Variants in CARS2 observed in about 807,000 individuals in gnomAD.
The protein encoded by CARS2 is probable cysteine--tRNA ligase, mitochondrial.
Under a neutral mutation model 68.8 loss-of-function variants are expected in CARS2, and 52 were observed. That is an observed-to-expected ratio of 0.76 (90% CI 0.61 to 0.95). The LOEUF is 0.95. Ranked by LOEUF, CARS2 falls within the 40% of genes least tolerant of loss-of-function variation. The pLI, the probability that CARS2 is intolerant of heterozygous loss-of-function variation, is 0.00. For synonymous variants in CARS2, 314 were observed against 303.6 expected (o/e 1.03, Z -0.36); for missense variants, 780 against 754.2 (o/e 1.03, Z -0.40).
At chr13:110,696,469 G>A (rs1211042961) in intron 3 of CARS2, among the ~76,000 whole-genome samples, 1 of 152,116 alleles carries the variant, frequency 6.6e-6, no homozygotes, top group Non-Finnish European at 1.5e-5. Context: ...CATTCTAACT[G>A]GCATGAGATG....
chr13:110,684,576 T>C (rs937389711), intron 5 of CARS2, among the ~76,000 whole-genome samples: 3 of 147,686 alleles, frequency 2.0e-5, no homozygotes, highest in African/African-American at 7.5e-5. Flanking sequence ...TGGCCTTTCC[T>C]CCCACCAGTG....
At chr13:110,667,223 T>C in intron 8 of CARS2, 117 bp downstream of exon 8, 1 of 943,232 alleles carries the variant, frequency 1.1e-6, no homozygotes, top group South Asian at 2.0e-5. Flanking sequence ...AAGAGGCAAA[T>C]CCATTTCTTG....
chr13:110,692,484 TAATA>T (rs1056408970), intron 3 of CARS2, among the ~76,000 whole-genome samples: 3 of 151,100 alleles, frequency 2.0e-5, no homozygotes, highest in African/African-American at 7.3e-5. Context: ...AAAAAAAAAT[TAATA>T]AATAAAAGTT....
Position 110,677,037 on chromosome 13 carries a change from A to G in CARS2, c.722T>C (p.Phe241Ser), listed in dbSNP as rs2062971902. The G allele has an allele frequency of 6.2e-7, 1 of 1,610,322 alleles. No individual in the cohort carries two copies. The highest frequency in any genetic ancestry group is 1.3e-5 in the African/African-American group (1 of 74,844). ...LWKAAKPQEV[F>S]WASPWGPGRP... ...CCCGGGTCCCCAGGGAGAGGCCCAG[A>G]ACACCTCCTGGGGTTTGGCCGCCTT... Residue 241 changes from phenylalanine (F) to serine (S), a missense_variant, in exon 7 of 15, where the codon TTC (phenylalanine) becomes TCC (serine). Transcript: ENST00000257347.
chr13:110,647,020 T>C, intron 11 of CARS2, 81 bp downstream of exon 11: 2 of 1,453,476 alleles, frequency 1.4e-6, no homozygotes, highest in East Asian at 2.5e-5. Context: ...TGGGGGCCCC[T>C]CTTCCCCTTC....
chr13:110,665,201 C>T lies in CARS2; in HGVS notation c.920-1683G>A. 6 of 971,984 alleles carry T rather than the reference C, an allele frequency of 6.2e-6. No individual in the cohort carries two copies. The highest frequency in any genetic ancestry group is 7.3e-6 in the Non-Finnish European group (6 of 817,632). The allele number at this position is 971,984 out of a possible 1,614,324, so 60.2% of individuals were successfully genotyped here. ...GTGGCTCACGCCTATAATCCCAGCA[C>T]TTTGGGAGGCAGAGGTGGCAGATCA... is the stretch of plus-strand genomic sequence containing the variant. On this transcript the variant is annotated intron_variant, in intron 8 of 14. Coordinates refer to ENST00000257347, the MANE Select transcript of CARS2 (RefSeq NM_024537.4). The surrounding 1 kb of genome is among the most constrained non-coding windows in gnomAD (Gnocchi z 4.3).
intron 6 of CARS2, among the ~76,000 whole-genome samples, chr13:110,680,128 C>T (rs1296834334): frequency 7.5e-6 from 1 of 133,568 alleles, no homozygotes; most frequent in Admixed American, 8.1e-5. Flanking sequence ...ACCGATAACC[C>T]CAGTACTTTG....
At position 110,668,722 on chromosome 13, in the gene CARS2, G is replaced by A. The variant is rs553933134; in HGVS notation, c.786-1249C>T. Among the ~76,000 whole-genome samples the A allele has an allele frequency of 2.0e-4, 31 of 152,132 alleles. No homozygotes were observed. The highest frequency in any genetic ancestry group is 6.2e-4 in the South Asian group (3 of 4,826). On this transcript the variant is annotated intron_variant, in intron 7 of 14. Coordinates refer to ENST00000257347, the MANE Select transcript of CARS2 (RefSeq NM_024537.4). This position sits in a 1 kb window ranked among gnomAD's most constrained non-coding sequence, Gnocchi z 4.1. ...TCCGAAGATCTGAAGCCAACACAACGACGTGAAAGTTTCACAAGCTGAACT... is the reference window on the plus strand; with the variant it reads ...TCCGAAGATCTGAAGCCAACACAACAACGTGAAAGTTTCACAAGCTGAACT...
At chr13:110,706,229 A>C, upstream of CARS2, 1 of 550,770 alleles carries the variant, frequency 1.8e-6, no homozygotes, top group East Asian at 4.4e-5. Context: ...AGCAGTCCTC[A>C]GGTAGCGCCT....
intron 1 of CARS2, chr13:110,712,847 C>G (rs1326730924): frequency 9.0e-7 from 1 of 1,112,576 alleles, no homozygotes; most frequent in African/African-American, 1.5e-5. Flanking sequence ...CAGCTTCCCT[C>G]TCAGGCCCCT....
intron 13 of CARS2, chr13:110,643,018 T>C: frequency 2.9e-6 from 1 of 346,372 alleles, no homozygotes; most frequent in Non-Finnish European, 5.7e-6. Flanking sequence ...CCTGGGGCGG[T>C]GTGGAAGGGG....
rs757166124 is a variant in CARS2, at chr13:110,663,553, G to C, written c.920-35C>G. ...AAACAAAAGCATTCAGTCTGAGCTG[G>C]GTGAGGAGACTCTCTGGCCTCAGGG... On this transcript the variant is annotated intron_variant, in intron 8 of 14. Coordinates refer to ENST00000257347, the MANE Select transcript of CARS2 (RefSeq NM_024537.4). 27 of 1,607,862 alleles carry C rather than the reference G, an allele frequency of 1.7e-5. No homozygotes were observed. The East Asian group carries it at 6.0e-4, about 36-fold the overall frequency.
intron 14 of CARS2, 41 bp from the exon 15 acceptor site, chr13:110,641,649 C>CCT: frequency 6.7e-7 from 1 of 1,491,250 alleles, no homozygotes; most frequent in Non-Finnish European, 9.4e-7. Context: ...GCAGACACCA[C>CCT]GTCATGTGGC....
At chr13:110,677,631 AC>A in intron 6 of CARS2, among the ~76,000 whole-genome samples, 1 of 13,418 alleles carries the variant, frequency 7.5e-5, no homozygotes, top group African/African-American at 2.0e-4. Flanking sequence ...TCACCCCACC[AC>A]AGAAACTCAG....
chr13:110,712,559 G>A (rs2064042371), intron 1 of CARS2: 4 of 288,992 alleles, frequency 1.4e-5, no homozygotes, highest in Non-Finnish European at 1.4e-5. Flanking sequence ...GGGGCCGGTC[G>A]CCTAGGCAAC....
intron 8 of CARS2, chr13:110,666,563 T>C: frequency 1.0e-6 from 1 of 985,392 alleles, no homozygotes; most frequent in Non-Finnish European, 1.2e-6. Flanking sequence ...TCATGTACTT[T>C]CACGAAGAAA....
chr13:110,671,737 G>A (rs1406223488), intron 7 of CARS2, among the ~76,000 whole-genome samples: 1 of 152,148 alleles, frequency 6.6e-6, no homozygotes, highest in African/African-American at 2.4e-5. Context: ...ATGTAAATGG[G>A]CTAAATGCTC....
chr13:110,651,006 G>T (rs189897575), intron 10 of CARS2, 28 bp downstream of exon 10: 28 of 1,557,210 alleles, frequency 1.8e-5, no homozygotes, highest in East Asian at 1.4e-4. Flanking sequence ...GCTGGGGGGG[G>T]AGTCCACTCC....
chr13:110,647,247 GGAA>G lies in CARS2; in HGVS notation c.1055-11_1055-9del, dbSNP rs779299516. On this transcript the variant is annotated splice_polypyrimidine_tract_variant and intron_variant, in intron 10 of 14. Transcript: ENST00000257347. ...TGTCACTGTAGTCGATGGCTGAGGA[GGAA>G]GAGATGGTCACTGAGGCGGTGCCCA... is the stretch of plus-strand genomic sequence containing the variant. The G allele has an allele frequency of 3.7e-6, 6 of 1,610,754 alleles. 1 individual carries two copies. In the South Asian group the frequency reaches 6.6e-5, roughly 18 times the overall value.
Sources: gnomAD v4.1 joint callset for allele counts (sites outside exome capture counted in the v4.1 genomes callset) on GRCh38, gnomAD v4.1.1 for gene constraint, Gnocchi (gnomAD v3.1) non-coding constraint, MANE v1.5 for transcripts, NCBI Gene and HGNC (gene_info 2026-07-23, HGNC 2026-07-21) for gene names.